DRD2: variants seen among roughly 807,000 people sequenced by gnomAD.
The protein encoded by DRD2 is D(2) dopamine receptor.
DRD2 carries 8 observed loss-of-function variants against 38.0 expected under a neutral mutation model. That is an observed-to-expected ratio of 0.21 (90% CI 0.12 to 0.38). The LOEUF (loss-of-function observed/expected upper bound fraction) is 0.38. Among genes scored for constraint, DRD2 ranks in the 10% least tolerant of loss-of-function variants. The pLI is 1.00. For synonymous variants in DRD2, 230 were observed against 238.6 expected, an observed-to-expected ratio of 0.96 and a Z score of 0.33; for missense variants, 403 against 607.7, an observed-to-expected ratio of 0.66 and a Z score of 3.54.
intron 1 of DRD2, among the ~76,000 whole-genome samples, chr11:113,429,284 A>C (rs1252297576): frequency 2.0e-5 from 3 of 151,848 alleles, no homozygotes; most frequent in African/African-American, 7.3e-5. Flanking sequence ...TTGCTCTGTC[A>C]CCCGGGCTGG....
intron 1 of DRD2, among the ~76,000 whole-genome samples, chr11:113,441,668 T>C (rs1278823765): frequency 2.6e-5 from 4 of 152,100 alleles, no homozygotes; most frequent in Non-Finnish European, 4.4e-5. Context: ...TCATGAGGAA[T>C]GGACTGTCTC....
At chr11:113,456,208 A>G (rs986622669) in intron 1 of DRD2, among the ~76,000 whole-genome samples, 8 of 152,244 alleles carry the variant, frequency 5.3e-5, no homozygotes, top group African/African-American at 1.9e-4. Context: ...ACATTGTATG[A>G]TCTTGCTTAT....
At chr11:113,467,909 T>C (rs765809638) in intron 1 of DRD2, among the ~76,000 whole-genome samples, 1 of 152,142 alleles carries the variant, frequency 6.6e-6, no homozygotes, top group Non-Finnish European at 1.5e-5. Flanking sequence ...AAGTGGAGAG[T>C]GTAAGAAAGA....
At chr11:113,432,288 T>TTCTCTTTCTCTCTCTC (rs1950994191) in intron 1 of DRD2, among the ~76,000 whole-genome samples, 2 of 136,370 alleles carry the variant, frequency 1.5e-5, no homozygotes, top group South Asian at 5.0e-4. Flanking sequence ...GATCCTCTCT[T>TTCTCTTTCTCTCTCTC]TCTCTCTCTC....
At chr11:113,440,640 T>A (rs1238329872) in intron 1 of DRD2, among the ~76,000 whole-genome samples, 2 of 152,220 alleles carry the variant, frequency 1.3e-5, no homozygotes, top group African/African-American at 4.8e-5. Context: ...TGAGAGCTAC[T>A]CTGCCACCCA....
chr11:113,415,694 AG>A (rs1950819105), intron 4 of DRD2, 83 bp from the exon 5 acceptor site: 1 of 1,461,826 alleles, frequency 6.8e-7, no homozygotes, highest in African/African-American at 1.4e-5. Context: ...ATGTCCTTCC[AG>A]GAACAAGGAG....
chr11:113,453,928 T>C lies in DRD2; in HGVS notation c.-32+21148A>G, dbSNP rs570485953. 5.3e-5 allele frequency among the ~76,000 whole-genome samples: 8 copies of C among 152,320 alleles called. No individual in the cohort carries two copies. In the East Asian group the frequency reaches 1.5e-3, roughly 29 times the overall value. On this transcript the variant is annotated intron_variant, in intron 1 of 7. Transcript: ENST00000362072. Reference sequence around the variant, plus strand: ...ATTATCTAGGTTACCCAGAGTCCTTTTGATGGGGGGCTGGGGGGAGGATGG... The same window carrying C: ...ATTATCTAGGTTACCCAGAGTCCTTCTGATGGGGGGCTGGGGGGAGGATGG...
chr11:113,414,193 G>A (rs577096698), intron 6 of DRD2, 182 bp downstream of exon 6: 243 of 721,454 alleles, frequency 3.4e-4, no homozygotes, highest in Admixed American at 9.7e-4. Context: ...TTGCAGAACC[G>A]AGGTGTCTCA....
At chr11:113,453,388 G>C (rs536172522) in intron 1 of DRD2, among the ~76,000 whole-genome samples, 2 of 152,318 alleles carry the variant, frequency 1.3e-5, no homozygotes, top group East Asian at 3.9e-4. Context: ...GGATACTGAT[G>C]CCTGGTATAC....
In DRD2 at chr11:113,415,491, C is replaced by T; in HGVS notation, c.653G>A (p.Arg218Lys). 6.2e-7 allele frequency: 1 copy of T among 1,614,110 alleles called. No individual in the cohort carries two copies. The highest frequency in any genetic ancestry group is 8.5e-7 in the Non-Finnish European group (1 of 1,180,030). The change falls in exon 5 of 8, where the codon AGA becomes AAA. Residue 218 changes from arginine to lysine, a missense_variant. By Grantham distance (26) the Arg-to-Lys change is conservative. This residue lies in a region of DRD2 where 166 missense variants were observed against 178.6 expected (regional missense o/e 0.93). Transcript: ENST00000362072. The part of the protein sequence containing the change: ...VYIKIYIVLR[R>K]RRKRVNTKRS... Reference sequence around the variant, plus strand: ...TTTGGTGTTGACTCGCTTGCGGCGTCTGCGGAGGACAATGTAGATCTTGAT... The same window carrying T: ...TTTGGTGTTGACTCGCTTGCGGCGTTTGCGGAGGACAATGTAGATCTTGAT...
At chr11:113,473,393 C>A (rs931180187) in intron 1 of DRD2, among the ~76,000 whole-genome samples, 2 of 152,060 alleles carry the variant, frequency 1.3e-5, no homozygotes, top group Admixed American at 6.6e-5. Flanking sequence ...AAGGAAGAAG[C>A]AAAAATACGC....
chr11:113,424,607 C>T lies in DRD2; in HGVS notation c.45G>A (p.Arg15=), dbSNP rs1404617282. 1 of 1,614,098 alleles carries T rather than the reference C, an allele frequency of 6.2e-7. No homozygotes were observed. The highest frequency in any genetic ancestry group is 1.3e-5 in the African/African-American group (1 of 74,926). Residue 15 remains arginine, a synonymous_variant, in exon 2 of 8, where the codon AGG becomes AGA. Transcript: ENST00000362072. ...NLSWYDDDLE[R]QNWSRPFNGS... ...CGTTGAAGGGCCGGCTCCAGTTCTG[C>T]CTCTCCAGATCATCATCATACCAGG...
In DRD2 at chr11:113,426,845, C is replaced by T. The variant is rs564637371; in HGVS notation, c.-31-2163G>A. 3.3e-5 allele frequency among the ~76,000 whole-genome samples: 5 copies of T among 152,332 alleles called. No individual in the cohort carries two copies. The South Asian group carries it at 1.0e-3, about 32-fold the overall frequency. On this transcript the variant is annotated intron_variant, in intron 1 of 7. Coordinates refer to ENST00000362072, the MANE Select transcript of DRD2 (RefSeq NM_000795.4). ...GCTGTATTCTGCAAAACCAACTGAG[C>T]CCTCTTCCCATTTGGAGCCCACAGC...
At chr11:113,446,698 T>C in intron 1 of DRD2, among the ~76,000 whole-genome samples, 1 of 152,216 alleles carries the variant, frequency 6.6e-6, no homozygotes, top group East Asian at 1.9e-4. Context: ...AGCCTCATAA[T>C]AATCCTGTAA....
chr11:113,434,777 TC>T (rs375918396), intron 1 of DRD2, among the ~76,000 whole-genome samples: 1,874 of 151,050 alleles, frequency 0.012, 22 homozygotes, highest in African/African-American at 0.023. Flanking sequence ...AAGGGAGCCA[TC>T]CCCCCCCATC....
At chr11:113,413,548 T>A (rs1447895572) in intron 6 of DRD2, among the ~76,000 whole-genome samples, 8 of 152,228 alleles carry the variant, frequency 5.3e-5, no homozygotes, top group Admixed American at 5.2e-4. Flanking sequence ...AGCCTCACTA[T>A]GTGCCTAGGT....
chr11:113,469,946 G>T (rs1951406627), intron 1 of DRD2, among the ~76,000 whole-genome samples: 2 of 152,194 alleles, frequency 1.3e-5, no homozygotes, highest in African/African-American at 4.8e-5. Flanking sequence ...TTTAAATGAA[G>T]AACCTATGTC....
At chr11:113,411,735 T>C (rs1461445637) in intron 7 of DRD2, 1 of 152,216 alleles carries the variant, frequency 6.6e-6, no homozygotes, top group African/African-American at 2.4e-5. Context: ...CCCATGATCG[T>C]GAGTAGTCCC....
At chr11:113,452,461 TGTGTGTGTGCGCGCGCGCGC>T (rs1354128084) in intron 1 of DRD2, among the ~76,000 whole-genome samples, 4 of 89,682 alleles carry the variant, frequency 4.5e-5, no homozygotes, top group Non-Finnish European at 7.7e-5. Context: ...TGTGTGTGTG[TGTGTGTGTGCGCGCGCGCGC>T]GCGCGCACAT....
Sources: gnomAD v4.1 joint callset for allele counts (sites outside exome capture counted in the v4.1 genomes callset) on GRCh38, gnomAD v4.1.1 for gene constraint, gnomAD v4.1.1 regional missense constraint, MANE v1.5 for transcripts, NCBI Gene and HGNC (gene_info 2026-07-23, HGNC 2026-07-21) for gene names.